SCAF1: variants seen among roughly 807,000 people sequenced by gnomAD.
The protein encoded by SCAF1 is splicing factor, arginine/serine-rich 19.
Under a neutral mutation model 91.2 loss-of-function variants are expected in SCAF1, and 28 were observed. The ratio of observed to expected loss-of-function variants is 0.31; its 90% confidence interval spans 0.23 to 0.42. SCAF1 has a LOEUF of 0.42. SCAF1 is among the 10% of genes least tolerant of loss of function. The pLI is 1.00. For synonymous variants in SCAF1, 1,036 were observed against 833.7 expected, an observed-to-expected ratio of 1.24 and a Z score of -4.18; for missense variants, 1,893 against 1,872.1, an observed-to-expected ratio of 1.01 and a Z score of -0.21.
In SCAF1 at chr19:49,653,585, G is replaced by T. The variant is rs773620184; in HGVS notation, c.3196G>T (p.Gly1066Cys). 2.1e-5 allele frequency: 33 copies of T among 1,587,072 alleles called. No individual in the cohort carries two copies. In the East Asian group the frequency reaches 7.2e-4, roughly 35 times the overall value. Residue 1066 changes from glycine (G) to cysteine (C), a missense_variant, in exon 7 of 11, where the codon GGT becomes TGT. By Grantham distance (159) the Gly-to-Cys change is radical (BLOSUM62 -3). Coordinates refer to ENST00000360565, the MANE Select transcript of SCAF1 (RefSeq NM_021228.3). ...STAPSAGSTA[G>C]DSGAEDGPAS... ...TGCCCCCAGCGCGGGGTCCACAGCC[G>T]GTGACTCGGGGGCGGAGGACGGGCC...
chr19:49,652,260 C>T lies in SCAF1; in HGVS notation c.1871C>T (p.Ser624Phe). 1 of 1,449,246 alleles carries T rather than the reference C, an allele frequency of 6.9e-7. No individual in the cohort carries two copies. The highest frequency in any genetic ancestry group is 2.8e-5 in the East Asian group (1 of 35,466). 89.8% of individuals were successfully genotyped at this position (1,449,246 alleles called of 1,614,324 possible). A position where few individuals can be genotyped will look rare whatever the true frequency, so the allele number is the denominator to read the frequency against. Residue 624 changes from serine to phenylalanine, a missense_variant, in exon 7 of 11, where the codon TCC (serine) becomes TTC (phenylalanine). Physicochemically the swap from Ser to Phe is radical, Grantham distance 155 (BLOSUM62 -2). This residue lies in a region of SCAF1 where 1,436 missense variants were observed against 1,306.8 expected (regional missense o/e 1.10). Transcript: ENST00000360565. ...SPPPATSSSS[S>F]SRRERHRGKH... is the part of the protein sequence containing the mutation. ...CCCCCGGCCACTTCCTCATCGTCGT[C>T]CTCGAGGCGCGAGCGGCACCGCGGG...
chr19:49,651,544 G>A lies in SCAF1; in HGVS notation c.1155G>A (p.Pro385=). The change falls in exon 7 of 11, where the codon CCG becomes CCA. Residue 385 remains proline, a synonymous_variant. Transcript: ENST00000360565. The part of the protein sequence containing the change: ...GGAALPPPLL[P]PGDSEIEEGE... ...CCGCCCTCCCGCCGCCCCTGCTGCC[G>A]CCCGGCGACTCGGAGATCGAGGAAG... 4 of 1,561,380 alleles carry A rather than the reference G, an allele frequency of 2.6e-6. No individual in the cohort carries two copies. The highest frequency in any genetic ancestry group is 2.4e-5 in the East Asian group (1 of 42,226).
Position 49,645,288 on chromosome 19 carries a change from A to G in SCAF1, c.109-66A>G. On this transcript the variant is annotated intron_variant, in intron 2 of 10. Coordinates refer to ENST00000360565, the MANE Select transcript of SCAF1 (RefSeq NM_021228.3). The surrounding 1 kb of genome is among the most constrained non-coding windows in gnomAD (Gnocchi z 4.6). ...TCAGTGTCTGGGATGTCTGTCTCCC[A>G]AGGGGCAGAGGTTGCAAAGCATCTG... 3.2e-6 allele frequency: 5 copies of G among 1,575,832 alleles called. No homozygotes were observed. Among genetic ancestry groups the G allele is most frequent in the Non-Finnish European group, 4.4e-6 (5 of 1,146,544 alleles).
rs1288226598 is a variant in SCAF1 at position 49,646,659 on chromosome 19, C to T, written c.362+33C>T. 1.2e-6 allele frequency: 2 copies of T among 1,612,778 alleles called. No individual in the cohort carries two copies. Among genetic ancestry groups the T allele is most frequent in the East Asian group, 4.5e-5 (2 of 44,860 alleles). ...GCTGGGCAGCTGGAGTGGGAGAGGCCTCAGCGTGAGAGCCAGAAGCACCCC... is the reference window on the plus strand; with the variant it reads ...GCTGGGCAGCTGGAGTGGGAGAGGCTTCAGCGTGAGAGCCAGAAGCACCCC... On this transcript the variant is annotated intron_variant, in intron 5 of 10. Transcript: ENST00000360565. This position sits in a 1 kb window ranked among gnomAD's most constrained non-coding sequence, Gnocchi z 5.6.
In SCAF1 at chr19:49,658,189, A is replaced by G. The variant is rs752503814; in HGVS notation, c.3748-19A>G. ...CCCCGGGAGCCTGGTGGTGACTCCA[A>G]CTGTCCCCGGCCCCCCAGATCTGCC... On this transcript the variant is annotated intron_variant, in intron 10 of 10. Coordinates refer to ENST00000360565, the MANE Select transcript of SCAF1 (RefSeq NM_021228.3). 54 of 1,605,492 alleles carry G rather than the reference A, an allele frequency of 3.4e-5. 1 individual carries two copies. The South Asian group carries it at 4.2e-4, about 12-fold the overall frequency.
upstream of SCAF1, among the ~76,000 whole-genome samples, chr19:49,641,936 T>G (rs1329993461): frequency 6.6e-6 from 1 of 152,234 alleles, no homozygotes; most frequent in African/African-American, 2.4e-5. Context: ...TGGGGCGTCA[T>G]CGCGGGCTAC....
intron 9 of SCAF1, among the ~76,000 whole-genome samples, chr19:49,657,068 C>T (rs1048097018): frequency 2.0e-5 from 3 of 152,146 alleles, no homozygotes; most frequent in Non-Finnish European, 2.9e-5. Flanking sequence ...GTGGGAAGAT[C>T]GCTTTAGCCC....
At chr19:49,648,564 C>T (rs1353150871) in intron 6 of SCAF1, among the ~76,000 whole-genome samples, 1 of 150,394 alleles carries the variant, frequency 6.6e-6, no homozygotes, top group Non-Finnish European at 1.5e-5. Flanking sequence ...TGCCACACCC[C>T]CCCCCCTTTT....
chr19:49,655,209 G>A (rs919668298), intron 9 of SCAF1, among the ~76,000 whole-genome samples: 1 of 152,114 alleles, frequency 6.6e-6, no homozygotes, highest in African/African-American at 2.4e-5. Context: ...GGGGAGGGTG[G>A]TTTCCGAATG....
At position 49,652,099 on chromosome 19, in the gene SCAF1, C is replaced by T. The variant is rs1599827065; in HGVS notation, c.1710C>T (p.Ala570=). The change falls in exon 7 of 11, where the codon GCC becomes GCT. Residue 570 remains alanine, a synonymous_variant. Coordinates refer to ENST00000360565, the MANE Select transcript of SCAF1 (RefSeq NM_021228.3). ...RKPGSHASSS[A]RRRSRSRSRS... is the part of the protein sequence containing the mutation. Reference sequence around the variant, plus strand: ...CCGGCTCCCACGCCTCGTCGTCCGCCCGCCGCCGCTCCCGCTCCCGCTCCC... The same window carrying T: ...CCGGCTCCCACGCCTCGTCGTCCGCTCGCCGCCGCTCCCGCTCCCGCTCCC... 8.8e-7 allele frequency: 1 copy of T among 1,133,476 alleles called. No homozygotes were observed. The highest frequency in any genetic ancestry group is 1.1e-6 in the Non-Finnish European group (1 of 928,334). 70.2% of individuals were successfully genotyped at this position (1,133,476 alleles called of 1,614,324 possible).
In SCAF1 at chr19:49,657,910, G is replaced by A. The variant is rs1356565006; in HGVS notation, c.3747+21G>A. 2.5e-6 allele frequency: 4 copies of A among 1,608,380 alleles called. No homozygotes were observed. The South Asian group carries it at 4.4e-5, about 18-fold the overall frequency. ...ACAAGGTGGGCACCCGGAGAGAGGG[G>A]CAGACACAGGCCGGGGAGAGAACGA... is the stretch of plus-strand genomic sequence containing the variant. On this transcript the variant is annotated intron_variant, in intron 10 of 10. Coordinates refer to ENST00000360565, the MANE Select transcript of SCAF1 (RefSeq NM_021228.3).
chr19:49,652,617 G>T lies in SCAF1; in HGVS notation c.2228G>T (p.Gly743Val). ...GAGGGACTGAGCGGCGAGGAGCGGG[G>T]CGGCAAGAGCAGCCAGAAGGATCGG... ...DSEGLSGEER[G>V]GKSSQKDRRR... Residue 743 changes from glycine (G) to valine (V), a missense_variant, in exon 7 of 11, where the codon GGC becomes GTC. This residue lies in a region of SCAF1 where 1,436 missense variants were observed against 1,306.8 expected (regional missense o/e 1.10). Coordinates refer to ENST00000360565, the MANE Select transcript of SCAF1 (RefSeq NM_021228.3). 1.9e-6 allele frequency: 3 copies of T among 1,562,616 alleles called. No homozygotes were observed. Among genetic ancestry groups the T allele is most frequent in the Non-Finnish European group, 2.6e-6 (3 of 1,153,576 alleles).
Position 49,651,174 on chromosome 19 carries a change from C to T in SCAF1, c.785C>T (p.Ala262Val), listed in dbSNP as rs368577988. The T allele has an allele frequency of 4.0e-5, 64 of 1,612,988 alleles. No homozygotes were observed. The highest frequency in any genetic ancestry group is 2.9e-5 in the Non-Finnish European group (34 of 1,179,800). Reference sequence around the variant, plus strand: ...ACCGGCTCCAACCCCAGCTCATCAGCGGGGACCCCCTCACCTGAGGAGGAA... The same window carrying T: ...ACCGGCTCCAACCCCAGCTCATCAGTGGGGACCCCCTCACCTGAGGAGGAA... ...EPTGSNPSSS[A>V]GTPSPEEEEE... Residue 262 changes from alanine (A) to valine (V), a missense_variant, in exon 7 of 11, where the codon GCG becomes GTG. By Grantham distance (64) the Ala-to-Val change is moderately conservative. This residue lies in a region of SCAF1 where 80 missense variants were observed against 116.6 expected (regional missense o/e 0.69). Coordinates refer to ENST00000360565, the MANE Select transcript of SCAF1 (RefSeq NM_021228.3).
chr19:49,654,356 A>G lies in SCAF1; in HGVS notation c.3324A>G (p.Ala1108=). The G allele has an allele frequency of 1.9e-6, 3 of 1,613,324 alleles. No homozygotes were observed. The highest frequency in any genetic ancestry group is 1.7e-6 in the Non-Finnish European group (2 of 1,179,878). ...CTTSGVLALT[A]LLFKMEEANL... Reference sequence around the variant, plus strand: ...CCTCTCTGCCTCCTGCAGTGACTGCACTTCTCTTCAAGATGGAAGAAGCCA... The same window carrying G: ...CCTCTCTGCCTCCTGCAGTGACTGCGCTTCTCTTCAAGATGGAAGAAGCCA... Residue 1108 remains alanine (A), a synonymous_variant, in exon 8 of 11, where the codon GCA becomes GCG. Coordinates refer to ENST00000360565, the MANE Select transcript of SCAF1 (RefSeq NM_021228.3).
intron 9 of SCAF1, 31 bp from the exon 10 acceptor site, chr19:49,657,728 CTG>C: frequency 6.3e-7 from 1 of 1,576,034 alleles, no homozygotes; most frequent in Non-Finnish European, 8.6e-7. Flanking sequence ...CTGGCCCTTG[CTG>C]TGTCTTCCCC....
intron 10 of SCAF1, 112 bp from the exon 11 acceptor site, chr19:49,658,096 C>A: frequency 1.5e-6 from 2 of 1,304,940 alleles, no homozygotes; most frequent in African/African-American, 1.5e-5. Context: ...GGGACTTTGG[C>A]CTGGTTATTG....
Position 49,652,258 on chromosome 19 carries a change from G to A in SCAF1, c.1869G>A (p.Ser623=), listed in dbSNP as rs926891956. The change falls in exon 7 of 11, where the codon TCG becomes TCA. Residue 623 remains serine (S), a synonymous_variant. Transcript: ENST00000360565. ...CGCCCCCGGCCACTTCCTCATCGTC[G>A]TCCTCGAGGCGCGAGCGGCACCGCG... ...ASPPPATSSS[S]SSRRERHRGK... 37 of 1,436,290 alleles carry A rather than the reference G, an allele frequency of 2.6e-5. No homozygotes were observed. Among genetic ancestry groups the A allele is most frequent in the Non-Finnish European group, 3.1e-5 (34 of 1,098,876 alleles). The allele number at this position is 1,436,290 out of a possible 1,614,324, so 89.0% of individuals were successfully genotyped here.
chr19:49,653,398 G>C lies in SCAF1; in HGVS notation c.3009G>C (p.Glu1003Asp). 6.5e-7 allele frequency: 1 copy of C among 1,542,474 alleles called. No individual in the cohort carries two copies. The highest frequency in any genetic ancestry group is 1.3e-5 in the South Asian group (1 of 79,848). ...TGGACAGCAGCTGCAAGACACCTGA[G>C]GTCTCCTTCCTGCCCGAGGAGGCCA... ...QTVDSSCKTP[E>D]VSFLPEEATE... The change falls in exon 7 of 11, where the codon GAG becomes GAC. Residue 1003 changes from glutamate to aspartate, a missense_variant. Around this residue, in one of 5 missense-constraint regions of SCAF1, gnomAD observed 1,436 missense variants for 1,306.8 expected, o/e 1.10. Coordinates refer to ENST00000360565, the MANE Select transcript of SCAF1 (RefSeq NM_021228.3).
Position 49,651,016 on chromosome 19 carries a change from CCCACCCCCACCGCCCCCT to C in SCAF1, c.628_645del (p.Pro210_Pro215del). The C allele has an allele frequency of 1.6e-6, 1 of 607,376 alleles. No homozygotes were observed. The highest frequency in any genetic ancestry group is 1.8e-5 in the South Asian group (1 of 54,444). 37.6% of individuals were successfully genotyped at this position (607,376 alleles called of 1,614,324 possible). A position where few individuals can be genotyped will look rare whatever the true frequency, so the allele number is the denominator to read the frequency against. On this transcript the variant is annotated inframe_deletion, in exon 7 of 11. Coordinates refer to ENST00000360565, the MANE Select transcript of SCAF1 (RefSeq NM_021228.3). Reference sequence around the variant, plus strand: ...CCTCATCTTCCTCCCCTTCCCCTCCCCCACCCCCACCGCCCCCTGCACCCCCAGCCCCACCTGCCCCCC... The same window carrying C: ...CCTCATCTTCCTCCCCTTCCCCTCCCGCACCCCCAGCCCCACCTGCCCCCC...
Sources: allele counts gnomAD v4.1 joint callset (sites outside exome capture counted in the v4.1 genomes callset), GRCh38; gene constraint gnomAD v4.1.1; regional missense constraint gnomAD v4.1.1; non-coding constraint Gnocchi (gnomAD v3.1); transcripts MANE v1.5; gene names NCBI Gene and HGNC (gene_info 2026-07-23, HGNC 2026-07-21).